Variants in TPD52L1 observed in about 807,000 individuals in gnomAD.
TPD52L1 encodes TPD52 like 1, also known as tumor protein D53.
A neutral mutation model predicts 28.7 loss-of-function variants in TPD52L1; 18 were observed. That is an observed-to-expected ratio of 0.63 (90% CI 0.43 to 0.93). The LOEUF (loss-of-function observed/expected upper bound fraction) is 0.93. Ranked by LOEUF, TPD52L1 falls within the 40% of genes least tolerant of loss-of-function variation. TPD52L1 has a pLI of 0.00. For missense variants in TPD52L1, 203 were observed against 254.8 expected (o/e 0.80, Z 1.39); for synonymous variants, 75 against 88.8 (o/e 0.84, Z 0.88).
At chr6:125,209,114 A>G (rs1794344169) in intron 1 of TPD52L1, among the ~76,000 whole-genome samples, 2 of 152,212 alleles carry the variant, frequency 1.3e-5, no homozygotes, top group African/African-American at 4.8e-5. Context: ...CTTCAGGCTT[A>G]ATCCCTAGTG....
At chr6:125,162,903 T>A (rs896471782) in intron 1 of TPD52L1, among the ~76,000 whole-genome samples, 3 of 152,260 alleles carry the variant, frequency 2.0e-5, no homozygotes, top group Non-Finnish European at 2.9e-5. Flanking sequence ...ATGAGGTAGA[T>A]ACCTTTACTT....
chr6:125,212,077 A>G (rs749637541), intron 1 of TPD52L1, among the ~76,000 whole-genome samples: 1 of 152,204 alleles, frequency 6.6e-6, no homozygotes, highest in Non-Finnish European at 1.5e-5. Flanking sequence ...CTTGGGGAAT[A>G]CATGTAGATA....
intron 1 of TPD52L1, among the ~76,000 whole-genome samples, chr6:125,156,286 G>C (rs1366212609): frequency 1.3e-5 from 2 of 151,932 alleles, no homozygotes; most frequent in Non-Finnish European, 2.9e-5. Context: ...ACAACATAGA[G>C]AGACCTCATC....
At chr6:125,214,607 T>C (rs1794735859) in intron 1 of TPD52L1, 1 of 193,590 alleles carries the variant, frequency 5.2e-6, no homozygotes, top group Non-Finnish European at 9.4e-6. Context: ...TCTCTTTTCT[T>C]GCTGGTAAAT....
chr6:125,189,661 TCATCA>T (rs1792899192), intron 1 of TPD52L1, among the ~76,000 whole-genome samples: 1 of 152,216 alleles, frequency 6.6e-6, no homozygotes, highest in Admixed American at 6.5e-5. Flanking sequence ...AAAAGAGAGT[TCATCA>T]CATGGGGAAA....
chr6:125,254,331 A>T (rs995854469), intron 5 of TPD52L1, among the ~76,000 whole-genome samples: 3 of 152,346 alleles, frequency 2.0e-5, no homozygotes, highest in Non-Finnish European at 4.4e-5. Flanking sequence ...ATAGTGATGC[A>T]ATCAGATAAA....
intron 1 of TPD52L1, among the ~76,000 whole-genome samples, chr6:125,166,548 A>C (rs1468882657): frequency 6.6e-6 from 1 of 152,138 alleles, no homozygotes; most frequent in Non-Finnish European, 1.5e-5. Context: ...CTTTTTTTCT[A>C]CCCTCTTAGG....
At chr6:125,158,518 T>G (rs1459939046) in intron 1 of TPD52L1, among the ~76,000 whole-genome samples, 1 of 152,168 alleles carries the variant, frequency 6.6e-6, no homozygotes, top group Non-Finnish European at 1.5e-5. Flanking sequence ...TTTATATGGA[T>G]ACTTGAAATG....
At chr6:125,197,973 G>A (rs1793553842) in intron 1 of TPD52L1, among the ~76,000 whole-genome samples, 1 of 152,192 alleles carries the variant, frequency 6.6e-6, no homozygotes, top group Non-Finnish European at 1.5e-5. Context: ...TTCTGAGTGA[G>A]TCCTTGGCTC....
intron 1 of TPD52L1, among the ~76,000 whole-genome samples, chr6:125,216,949 C>G (rs1315869586): frequency 6.6e-6 from 1 of 152,134 alleles, no homozygotes; most frequent in Non-Finnish European, 1.5e-5. Flanking sequence ...TTTTTATTCT[C>G]TTTATCTAAA....
intron 1 of TPD52L1, among the ~76,000 whole-genome samples, chr6:125,206,767 G>T (rs1794172937): frequency 6.6e-6 from 1 of 152,148 alleles, no homozygotes; most frequent in African/African-American, 2.4e-5. Flanking sequence ...TGAAAGCAAT[G>T]TGTTCAAAAT....
chr6:125,172,526 ATATATATATATATATATATATATAT>A lies in TPD52L1; in HGVS notation c.19+18557_19+18581del, dbSNP rs1791502243. Among the ~76,000 whole-genome samples the A allele has an allele frequency of 6.7e-5, 5 of 74,166 alleles. 1 individual carries two copies. Among genetic ancestry groups the A allele is most frequent in the African/African-American group, 3.2e-4 (5 of 15,808 alleles). 48.7% of individuals were successfully genotyped at this position (74,166 alleles called of 152,430 possible). Reference sequence around the variant, plus strand: ...CCTCTTTCATGCTATATATATATATATATATATATATATATATATATATATAATATATATACTATATGGCATGAAA... The same window carrying A: ...CCTCTTTCATGCTATATATATATATAAATATATATACTATATGGCATGAAA... On this transcript the variant is annotated intron_variant, in intron 1 of 6. Coordinates refer to ENST00000534000, the MANE Select transcript of TPD52L1 (RefSeq NM_003287.4).
At chr6:125,221,849 A>G (rs1795253723) in intron 2 of TPD52L1, 1 of 152,126 alleles carries the variant, frequency 6.6e-6, no homozygotes, top group Non-Finnish European at 1.5e-5. Flanking sequence ...AGTTACCAGG[A>G]TTCATGTTTT....
At chr6:125,160,088 G>A (rs982937196) in intron 1 of TPD52L1, among the ~76,000 whole-genome samples, 1 of 152,154 alleles carries the variant, frequency 6.6e-6, no homozygotes, top group African/African-American at 2.4e-5. Flanking sequence ...CCCCAGCCAT[G>A]CGGAACTGTG....
intron 1 of TPD52L1, among the ~76,000 whole-genome samples, chr6:125,175,338 A>T (rs1278726828): frequency 6.6e-6 from 1 of 152,234 alleles, no homozygotes; most frequent in Admixed American, 6.5e-5. Context: ...TTCAACTTTT[A>T]TAAGAAATGA....
At chr6:125,180,346 AT>A (rs1327502413) in intron 1 of TPD52L1, among the ~76,000 whole-genome samples, 2 of 152,188 alleles carry the variant, frequency 1.3e-5, no homozygotes, top group Non-Finnish European at 2.9e-5. Context: ...ATTTTCACAG[AT>A]TTATTTGAAA....
Position 125,193,961 on chromosome 6 carries a change from A to C in TPD52L1, c.20-26117A>C, listed in dbSNP as rs141858628. ...ACACTGATGGTTCAATTTATAGATCAAGTCTCTTCAATCATAATGATTCAG... is the reference window on the plus strand; with the variant it reads ...ACACTGATGGTTCAATTTATAGATCCAGTCTCTTCAATCATAATGATTCAG... On this transcript the variant is annotated intron_variant, in intron 1 of 6. Coordinates refer to ENST00000534000, the MANE Select transcript of TPD52L1 (RefSeq NM_003287.4). Among the ~76,000 whole-genome samples, 209 of 151,580 alleles carry C rather than the reference A, an allele frequency of 1.4e-3. 2 individuals are homozygous for C. In the East Asian group the frequency reaches 0.022, roughly 16 times the overall value.
intron 1 of TPD52L1, among the ~76,000 whole-genome samples, chr6:125,187,322 A>ATGTCT (rs553752343): frequency 1.1e-3 from 170 of 152,306 alleles, no homozygotes; most frequent in South Asian, 2.5e-3. Flanking sequence ...GAGTAGTTTC[A>ATGTCT]TGTCTTGCTG....
chr6:125,160,607 C>A (rs1378794499), intron 1 of TPD52L1, among the ~76,000 whole-genome samples: 1 of 152,142 alleles, frequency 6.6e-6, no homozygotes, highest in Non-Finnish European at 1.5e-5. Context: ...CTACATTAGC[C>A]CCTAACAAGA....
Sources: allele counts gnomAD v4.1 joint callset (sites outside exome capture counted in the v4.1 genomes callset), GRCh38; gene constraint gnomAD v4.1.1; transcripts MANE v1.5; gene names NCBI Gene and HGNC (gene_info 2026-07-23, HGNC 2026-07-21).